SLC30A7: variants seen among roughly 807,000 people sequenced by gnomAD.
The protein encoded by SLC30A7 is solute carrier family 30 member 7.
Under a neutral mutation model 46.0 loss-of-function variants are expected in SLC30A7, and 35 were observed. The ratio of observed to expected loss-of-function variants is 0.76; its 90% CI spans 0.58 to 1.01. The LOEUF is 1.01. SLC30A7 is among the 50% of genes least tolerant of loss of function. The probability of loss-of-function intolerance (pLI) is 0.00; values close to 1 mark genes in which losing one functional copy is unlikely to be tolerated. For synonymous variants in SLC30A7, 147 were observed against 157.8 expected (o/e 0.93, Z 0.51); for missense variants, 464 against 451.1 (o/e 1.03, Z -0.26).
chr1:100,923,004 A>ATTTTTTTTTTTT (rs71084855), intron 8 of SLC30A7, among the ~76,000 whole-genome samples: 7 of 49,110 alleles, frequency 1.4e-4, no homozygotes, highest in African/African-American at 5.5e-4. Flanking sequence ...GTTAGAATAG[A>ATTTTTTTTTTTT]TTTTTTTTTT....
intron 8 of SLC30A7, among the ~76,000 whole-genome samples, chr1:100,952,585 A>G (rs1655015187): frequency 6.6e-6 from 1 of 152,192 alleles, no homozygotes; most frequent in Non-Finnish European, 1.5e-5. Context: ...GGGGAAAGAC[A>G]GAGAGAAAAA....
At chr1:100,951,633 G>T (rs1343948451) in intron 8 of SLC30A7, among the ~76,000 whole-genome samples, 1 of 152,140 alleles carries the variant, frequency 6.6e-6, no homozygotes, top group African/African-American at 2.4e-5. Flanking sequence ...GCCTTTGTTC[G>T]TGCTGCTCAG....
chr1:100,960,268 T>C (rs1487343102), intron 8 of SLC30A7, among the ~76,000 whole-genome samples: 2 of 152,196 alleles, frequency 1.3e-5, no homozygotes, highest in Non-Finnish European at 2.9e-5. Context: ...TTGTCTTTGT[T>C]CCTATGGTTA....
chr1:100,994,397 G>C, the SLC30A7 span, among the ~76,000 whole-genome samples: 1 of 152,076 alleles, frequency 6.6e-6, no homozygotes, highest in Non-Finnish European at 1.5e-5. Flanking sequence ...AAGTGGGTAG[G>C]GGGTACTGTA....
intron 8 of SLC30A7, among the ~76,000 whole-genome samples, chr1:100,933,591 A>G (rs1653790248): frequency 6.6e-6 from 1 of 151,624 alleles, no homozygotes; most frequent in Non-Finnish European, 1.5e-5. Flanking sequence ...TACAGGCCCC[A>G]GTGTGTGATG....
intron 2 of SLC30A7, among the ~76,000 whole-genome samples, chr1:100,897,512 T>C (rs1557970205): frequency 6.6e-6 from 1 of 152,164 alleles, no homozygotes. Flanking sequence ...CTTCAGGATG[T>C]TGTTGGGTTC....
At chr1:100,922,896 T>C (rs1653033014) in intron 8 of SLC30A7, among the ~76,000 whole-genome samples, 1 of 152,100 alleles carries the variant, frequency 6.6e-6, no homozygotes, top group Non-Finnish European at 1.5e-5. Context: ...CTGGACTGTT[T>C]TTATTTTTTC....
intron 8 of SLC30A7, among the ~76,000 whole-genome samples, chr1:100,946,534 T>G (rs754571550): frequency 5.3e-5 from 8 of 152,214 alleles, no homozygotes; most frequent in Non-Finnish European, 1.0e-4. Context: ...CTGCATCTTT[T>G]GAGATAATCA....
chr1:100,931,598 C>T (rs1422874271), intron 8 of SLC30A7, among the ~76,000 whole-genome samples: 1 of 152,018 alleles, frequency 6.6e-6, no homozygotes, highest in Non-Finnish European at 1.5e-5. Flanking sequence ...GAGTTTAGTA[C>T]TGTGCTCTTA....
In SLC30A7 at chr1:100,978,339, A is replaced by T. The variant is rs1395640943; in HGVS notation, c.*3482A>T. 6.6e-6 allele frequency: 1 copy of T among 152,196 alleles called. No individual in the cohort carries two copies. The highest frequency in any genetic ancestry group is 2.4e-5 in the African/African-American group (1 of 41,448). 9.4% of individuals were successfully genotyped at this position (152,196 alleles called of 1,614,324 possible). ...AAAATGTATTTGATCACAGTTCTAT[A>T]ATGTTTTTACCTACCTATTATGGAA... On this transcript the variant is annotated 3_prime_UTR_variant, in exon 11 of 11. Transcript: ENST00000357650.
At chr1:100,958,639 T>C (rs529646485) in intron 8 of SLC30A7, among the ~76,000 whole-genome samples, 4 of 152,362 alleles carry the variant, frequency 2.6e-5, no homozygotes, top group Admixed American at 1.3e-4. Context: ...TGATTCCATA[T>C]ATTATTTAAG....
intron 6 of SLC30A7, among the ~76,000 whole-genome samples, chr1:100,916,706 T>A (rs1439835836): frequency 3.3e-4 from 3 of 9,226 alleles, no homozygotes; most frequent in African/African-American, 1.1e-3. Flanking sequence ...CATTCATTCT[T>A]TTTTTTTTTT....
At chr1:100,900,333 A>G (rs1651234678) in intron 2 of SLC30A7, among the ~76,000 whole-genome samples, 1 of 152,210 alleles carries the variant, frequency 6.6e-6, no homozygotes, top group African/African-American at 2.4e-5. Context: ...CAAAGTAAAT[A>G]TTTGTTGAAG....
At chr1:100,969,472 A>C (rs1436009467) in intron 10 of SLC30A7, among the ~76,000 whole-genome samples, 1 of 152,184 alleles carries the variant, frequency 6.6e-6, no homozygotes, top group Admixed American at 6.5e-5. Context: ...AAGGAATGCA[A>C]TTTCTAGTTT....
In SLC30A7 at chr1:100,923,107, C is replaced by T. The variant is rs923152025; in HGVS notation, c.842+1266C>T. Among the ~76,000 whole-genome samples the T allele has an allele frequency of 1.9e-4, 20 of 106,270 alleles. 2 individuals carry two copies. The highest frequency in any genetic ancestry group is 3.1e-4 in the Non-Finnish European group (15 of 48,288). 69.7% of individuals were successfully genotyped at this position (106,270 alleles called of 152,430 possible). On this transcript the variant is annotated intron_variant, in intron 8 of 10. Coordinates refer to ENST00000357650, the MANE Select transcript of SLC30A7 (RefSeq NM_133496.5). ...CTCGGCTCACTGCAGGCTCCGCCCC[C>T]TGGGGTTCACGCCATTCTCCTGCCT...
chr1:100,914,468 TGGA>T (rs1475549784), intron 6 of SLC30A7, among the ~76,000 whole-genome samples: 1 of 152,174 alleles, frequency 6.6e-6, no homozygotes, highest in Non-Finnish European at 1.5e-5. Context: ...AAAAATATGG[TGGA>T]GGTTTTCAAT....
chr1:100,903,438 TCTAA>T (rs1477356727), intron 2 of SLC30A7, among the ~76,000 whole-genome samples: 1 of 152,132 alleles, frequency 6.6e-6, no homozygotes, highest in Non-Finnish European at 1.5e-5. Flanking sequence ...TTTTCGGTAA[TCTAA>T]CTATACAAGG....
intron 3 of SLC30A7, among the ~76,000 whole-genome samples, chr1:100,907,642 C>T (rs1557975867): frequency 6.6e-6 from 1 of 152,016 alleles, no homozygotes. Context: ...CTTCCCCACC[C>T]CTTTGTCTTT....
At chr1:100,913,170 T>A (rs1265659892) in intron 5 of SLC30A7, among the ~76,000 whole-genome samples, 1 of 152,226 alleles carries the variant, frequency 6.6e-6, no homozygotes, top group African/African-American at 2.4e-5. Flanking sequence ...GTAATTTTAC[T>A]GATTCTGTTA....
Sources: allele counts gnomAD v4.1 joint callset (sites outside exome capture counted in the v4.1 genomes callset), GRCh38; gene constraint gnomAD v4.1.1; transcripts MANE v1.5; gene names NCBI Gene and HGNC (gene_info 2026-07-23, HGNC 2026-07-21).